CDC25B: variants seen among roughly 807,000 people sequenced by gnomAD.
The protein encoded by CDC25B is M-phase inducer phosphatase 2.
CDC25B carries 33 observed loss-of-function variants against 69.8 expected under a neutral mutation model. The observed-to-expected ratio is 0.47, with a 90% confidence interval of 0.36 to 0.63. The LOEUF is 0.63. CDC25B is among the 30% of genes least tolerant of loss of function. The probability of loss-of-function intolerance (pLI) is 0.00; values close to 1 mark genes in which losing one functional copy is unlikely to be tolerated. For missense variants in CDC25B, 727 were observed against 809.1 expected, an observed-to-expected ratio of 0.90 and a Z score of 1.23; for synonymous variants, 341 against 314.6, an observed-to-expected ratio of 1.08 and a Z score of -0.89.
chr20:3,800,167 A>T, intron 3 of CDC25B, 121 bp from the exon 4 acceptor site: 1 of 807,480 alleles, frequency 1.2e-6, no homozygotes, highest in African/African-American at 1.8e-5. Context: ...CACCCCTTCC[A>T]CTGCCTTGAG....
Position 3,802,308 on chromosome 20 carries a change from C to G in CDC25B, c.1126C>G (p.Leu376Val), listed in dbSNP as rs763915479. 6.2e-7 allele frequency: 1 copy of G among 1,610,886 alleles called. No individual in the cohort carries two copies. Among genetic ancestry groups the G allele is most frequent in the South Asian group, 1.1e-5 (1 of 91,078 alleles). ...PKARVLRSKS[L>V]CHDEIENLLD... ...AGCCCGCGTCCTCCGCTCAAAATCA[C>G]TGTGTCACGATGAGATCGAGAACCT... The change falls in exon 11 of 16, where the codon CTG becomes GTG. Residue 376 changes from leucine to valine, a missense_variant. Leu to Val is a conservative substitution (Grantham distance 32). Coordinates refer to ENST00000245960, the MANE Select transcript of CDC25B (RefSeq NM_021873.4).
upstream of CDC25B, among the ~76,000 whole-genome samples, chr20:3,794,112 C>T (rs59871886): frequency 9.2e-3 from 1,381 of 150,296 alleles, 24 homozygotes; most frequent in African/African-American, 0.032. Context: ...GGGTATATAC[C>T]CAGTAATGGG....
intron 1 of CDC25B, among the ~76,000 whole-genome samples, chr20:3,789,651 G>A (rs1479746011): frequency 9.3e-5 from 14 of 151,220 alleles, no homozygotes; most frequent in Admixed American, 4.0e-4. Context: ...GATTGCAGCC[G>A]TGAGCCACCT....
chr20:3,798,637 CCT>C (rs2089154077), intron 3 of CDC25B, among the ~76,000 whole-genome samples, 174 bp downstream of exon 3: 1 of 152,256 alleles, frequency 6.6e-6, no homozygotes, highest in South Asian at 2.1e-4. Flanking sequence ...CATTCTGCTC[CCT>C]GTCTCAGAGA....
intron 2 of CDC25B, 72 bp from the exon 3 acceptor site, chr20:3,798,340 T>TTA: frequency 1.9e-6 from 1 of 532,086 alleles, no homozygotes; most frequent in Non-Finnish European, 3.2e-6. Flanking sequence ...TTTTTTTTCA[T>TTA]ATTGGGACAT....
intron 2 of CDC25B, 51 bp downstream of exon 2, chr20:3,797,800 G>C (rs747741831): frequency 6.2e-7 from 1 of 1,604,992 alleles, no homozygotes; most frequent in African/African-American, 1.3e-5. Flanking sequence ...GAGAGTTTGT[G>C]GGGGCTGCCT....
chr20:3,802,874 T>G, intron 11 of CDC25B, 36 bp from the exon 12 acceptor site: 3 of 1,560,068 alleles, frequency 1.9e-6, no homozygotes, highest in Non-Finnish European at 2.7e-6. Context: ...CAATTTAACT[T>G]TCTCCCCTCT....
chr20:3,797,312 G>A (rs2089092741), intron 1 of CDC25B, among the ~76,000 whole-genome samples: 4 of 152,188 alleles, frequency 2.6e-5, no homozygotes, highest in Admixed American at 2.6e-4. Flanking sequence ...AGGCTCTCTG[G>A]GGCGGCTCTG....
upstream of CDC25B, among the ~76,000 whole-genome samples, chr20:3,794,971 C>T (rs2088987924): frequency 6.6e-6 from 1 of 152,154 alleles, no homozygotes; most frequent in Admixed American, 6.5e-5. Flanking sequence ...AGACAGGATG[C>T]GAAAGCTGCT....
In CDC25B at chr20:3,803,553, G is replaced by A. The variant is rs781575337; in HGVS notation, c.1490+16G>A. 49 of 1,613,504 alleles carry A rather than the reference G, an allele frequency of 3.0e-5. No homozygotes were observed. Among genetic ancestry groups the A allele is most frequent in the East Asian group, 1.6e-4 (7 of 44,878 alleles). Reference sequence around the variant, plus strand: ...GGCCCCGCATGTGAGTCCCAGCTCCGCCCAGCCAGCTAGTGTCTGCCCTGG... The same window carrying A: ...GGCCCCGCATGTGAGTCCCAGCTCCACCCAGCCAGCTAGTGTCTGCCCTGG... On this transcript the variant is annotated intron_variant, in intron 14 of 15. Coordinates refer to ENST00000245960, the MANE Select transcript of CDC25B (RefSeq NM_021873.4). This position sits in a 1 kb window ranked among gnomAD's most constrained non-coding sequence, Gnocchi z 4.9.
Position 3,804,892 on chromosome 20 carries a change from C to T in CDC25B, c.1674C>T (p.Arg558=), listed in dbSNP as rs754267491. ...EAFKDELKTF[R]LKTRSWAGER... ...TCAAGGATGAGCTAAAGACCTTCCGCCTCAAGACTCGCAGCTGGGCTGGGG... is the reference window on the plus strand; with the variant it reads ...TCAAGGATGAGCTAAAGACCTTCCGTCTCAAGACTCGCAGCTGGGCTGGGG... Residue 558 remains arginine, a synonymous_variant, in exon 16 of 16, where the codon CGC becomes CGT. Transcript: ENST00000245960. The T allele has an allele frequency of 6.2e-5, 100 of 1,614,054 alleles. No homozygotes were observed. In the South Asian group the frequency reaches 9.4e-4, roughly 15 times the overall value.
chr20:3,796,298 G>A, upstream of CDC25B: 3 of 1,363,172 alleles, frequency 2.2e-6, no homozygotes, highest in Admixed American at 7.7e-5. Context: ...GGTGGAAGTG[G>A]CAGCTGCAAC....
rs543119892 is a variant in CDC25B, at chr20:3,802,878, C to G, written c.1195-32C>G. 53 of 1,577,128 alleles carry G rather than the reference C, an allele frequency of 3.4e-5. No homozygotes were observed. The East Asian group carries it at 9.4e-4, about 28-fold the overall frequency. On this transcript the variant is annotated intron_variant, in intron 11 of 15. Transcript: ENST00000245960. The stretch of plus-strand genomic sequence containing the variant: ...CCTGGTCTTACCAATTTAACTTTCT[C>G]CCCTCTCCCTCATCCCTTCCGTTCC...
chr20:3,803,131 G>A lies in CDC25B; in HGVS notation c.1281G>A (p.Lys427=), dbSNP rs1257833530. 1 of 1,614,050 alleles carries A rather than the reference G, an allele frequency of 6.2e-7. No homozygotes were observed. The highest frequency in any genetic ancestry group is 1.3e-5 in the African/African-American group (1 of 75,044). Residue 427 remains lysine (K), a synonymous_variant, in exon 13 of 16, where the codon AAG becomes AAA. Coordinates refer to ENST00000245960, the MANE Select transcript of CDC25B (RefSeq NM_021873.4). This position sits in a 1 kb window ranked among gnomAD's most constrained non-coding sequence, Gnocchi z 4.9. ...AGATGGTGGCCCTATTGACGGGCAA[G>A]TTCAGCAACATCGTGGATAAGTTTG... The part of the protein sequence containing the change: ...PETMVALLTG[K]FSNIVDKFVI...
upstream of CDC25B, among the ~76,000 whole-genome samples, chr20:3,793,548 G>GTT (rs200570744): frequency 4.0e-5 from 5 of 126,430 alleles, no homozygotes; most frequent in South Asian, 5.1e-4. Context: ...TGGGATTTCT[G>GTT]TTTTTTTTTT....
At chr20:3,798,295 C>G in intron 2 of CDC25B, 117 bp from the exon 3 acceptor site, 1 of 633,074 alleles carries the variant, frequency 1.6e-6, no homozygotes, top group South Asian at 3.3e-5. Flanking sequence ...TCTAATGTGT[C>G]AAAGTCCAAA....
At chr20:3,789,823 A>G (rs1284168829) in intron 1 of CDC25B, among the ~76,000 whole-genome samples, 2 of 152,096 alleles carry the variant, frequency 1.3e-5, no homozygotes, top group African/African-American at 4.8e-5. Context: ...CCCCGTCTCT[A>G]TTAAAAATAC....
Position 3,802,271 on chromosome 20 carries a change from C to T in CDC25B, c.1099-10C>T. On this transcript the variant is annotated splice_polypyrimidine_tract_variant and intron_variant, in intron 10 of 15. Coordinates refer to ENST00000245960, the MANE Select transcript of CDC25B (RefSeq NM_021873.4). ...CCCTGACCCTGGCCTCCATCTGACT[C>T]ACTTTCCAGAAAGCCCGCGTCCTCC... 1 of 1,609,796 alleles carries T rather than the reference C, an allele frequency of 6.2e-7. No homozygotes were observed. The highest frequency in any genetic ancestry group is 1.7e-5 in the Admixed American group (1 of 60,018).
chr20:3,789,097 G>T (rs1439872472), intron 1 of CDC25B, among the ~76,000 whole-genome samples: 1 of 152,148 alleles, frequency 6.6e-6, no homozygotes, highest in East Asian at 1.9e-4. Flanking sequence ...TCCATCTGAG[G>T]CCCCGGGCTT....
Sources: allele counts gnomAD v4.1 joint callset (sites outside exome capture counted in the v4.1 genomes callset), GRCh38; gene constraint gnomAD v4.1.1; non-coding constraint Gnocchi (gnomAD v3.1); transcripts MANE v1.5; gene names NCBI Gene and HGNC (gene_info 2026-07-23, HGNC 2026-07-21).